The following BRF1 variants were observed in gnomAD, a reference collection of about 807,000 sequenced individuals.
BRF1 encodes the protein BRF1 general transcription factor IIIB subunit.
A neutral mutation model predicts 81.7 loss-of-function variants in BRF1; 59 were observed. The ratio of observed to expected loss-of-function variants is 0.72; its 90% CI spans 0.59 to 0.90. The LOEUF is 0.90. BRF1 is among the 40% of genes least tolerant of loss of function. The pLI, the probability that BRF1 is intolerant of heterozygous loss-of-function variation, is 0.00. For missense variants in BRF1, 1,050 were observed against 936.3 expected, an observed-to-expected ratio of 1.12 and a Z score of -1.58; for synonymous variants, 491 against 395.6, an observed-to-expected ratio of 1.24 and a Z score of -2.86.
chr14:105,210,871 G>A lies in BRF1; in HGVS notation c.1996+251C>T, dbSNP rs964681380. Reference sequence around the variant, plus strand: ...CAGGTCCGTGGTGGTGTGCAGATCCGGGAACCTCGTGCTGCTGGCTGGGCG... The same window carrying A: ...CAGGTCCGTGGTGGTGTGCAGATCCAGGAACCTCGTGCTGCTGGCTGGGCG... On this transcript the variant is annotated intron_variant, in intron 17 of 17. Transcript: ENST00000547530. This position sits in a 1 kb window ranked among gnomAD's most constrained non-coding sequence, Gnocchi z 4.7. Among the ~76,000 whole-genome samples, 4 of 152,034 alleles carry A rather than the reference G, an allele frequency of 2.6e-5. No individual in the cohort carries two copies. The highest frequency in any genetic ancestry group is 6.6e-5 in the Admixed American group (1 of 15,262).
chr14:105,255,076 G>GA (rs1431864764), intron 4 of BRF1, among the ~76,000 whole-genome samples: 1 of 152,204 alleles, frequency 6.6e-6, no homozygotes, highest in Non-Finnish European at 1.5e-5. Context: ...CCAGGCCAGT[G>GA]AACAACCTGG....
intron 2 of BRF1, among the ~76,000 whole-genome samples, chr14:105,273,459 G>A (rs1566856264): frequency 6.6e-6 from 1 of 152,226 alleles, no homozygotes; most frequent in Admixed American, 6.5e-5. Flanking sequence ...CCCAGAGGGA[G>A]GGCCATGGTG....
intron 4 of BRF1, chr14:105,256,124 CATAA>C (rs770813230): frequency 2.3e-4 from 303 of 1,318,186 alleles, no homozygotes; most frequent in South Asian, 9.9e-4. Context: ...GACTCCATCT[CATAA>C]ATAAATAAAT....
rs1266495687 is a variant in BRF1 at position 105,215,997 on chromosome 14, C to T, written c.1772+1547G>A. On this transcript the variant is annotated intron_variant, in intron 15 of 17. Coordinates refer to ENST00000547530, the MANE Select transcript of BRF1 (RefSeq NM_001519.4). The stretch of plus-strand genomic sequence containing the variant: ...CACACTGCATACACAGGCGCACACA[C>T]ACATGCACACACACGCTGCAGGCAT... Among the ~76,000 whole-genome samples, 3 of 150,010 alleles carry T rather than the reference C, an allele frequency of 2.0e-5. 1 individual carries two copies. Among genetic ancestry groups the T allele is most frequent in the Non-Finnish European group, 4.4e-5 (3 of 67,702 alleles).
chr14:105,292,773 G>A (rs587699680), intron 1 of BRF1, among the ~76,000 whole-genome samples: 2 of 151,374 alleles, frequency 1.3e-5, no homozygotes, highest in Non-Finnish European at 3.0e-5. Context: ...CTTCCCAGGC[G>A]CAGACCCTTC....
Position 105,272,725 on chromosome 14 carries a change from C to A in BRF1, c.435G>T (p.Thr145=). The A allele has an allele frequency of 6.2e-7, 1 of 1,605,718 alleles. No individual in the cohort carries two copies. ...GGCTCTCAAACCAAAGGATACGCGG[C>A]GTGCCCTCCGTACGGCAGACCAGGT... ...CLYLVCRTEG[T]PHMLLDLSDL... is the part of the protein sequence containing the mutation. Residue 145 remains threonine (T), a synonymous_variant, in exon 3 of 18, where the codon ACG becomes ACT. Coordinates refer to ENST00000547530, the MANE Select transcript of BRF1 (RefSeq NM_001519.4).
chr14:105,212,374 G>A (rs886979398), intron 15 of BRF1: 17 of 598,778 alleles, frequency 2.8e-5, no homozygotes, highest in African/African-American at 1.7e-4. Context: ...TCTCAACAGC[G>A]AGCAGCACTC....
intron 1 of BRF1, among the ~76,000 whole-genome samples, chr14:105,286,779 A>C (rs2057331430): frequency 6.6e-6 from 1 of 152,180 alleles, no homozygotes; most frequent in Non-Finnish European, 1.5e-5. Flanking sequence ...CTGGGATTAC[A>C]GGCACTTTCT....
At chr14:105,251,010 T>C (rs1041680450) in intron 5 of BRF1, 3 of 284,104 alleles carry the variant, frequency 1.1e-5, no homozygotes, top group Non-Finnish European at 2.1e-5. Context: ...CAAGCTTAAC[T>C]TGAGACCTTC....
chr14:105,289,134 C>A (rs1402356990), intron 1 of BRF1, among the ~76,000 whole-genome samples: 3 of 151,774 alleles, frequency 2.0e-5, no homozygotes, highest in African/African-American at 7.3e-5. Flanking sequence ...ACTGCTTGAG[C>A]CCAGGAGTTC....
rs1301007844 is a variant in BRF1, at chr14:105,209,497, C to T, written c.*1054G>A. ...GGGTCAGTGAGGCACGGCTCTGCCTCAAGGCCACCCCCTCCTAAGGACACA... is the reference window on the plus strand; with the variant it reads ...GGGTCAGTGAGGCACGGCTCTGCCTTAAGGCCACCCCCTCCTAAGGACACA... On this transcript the variant is annotated 3_prime_UTR_variant, in exon 18 of 18. Transcript: ENST00000547530. 4.3e-6 allele frequency: 3 copies of T among 701,810 alleles called. No individual in the cohort carries two copies. Among genetic ancestry groups the T allele is most frequent in the Admixed American group, 4.0e-5 (2 of 49,984 alleles). The allele number at this position is 701,810 out of a possible 1,614,324, so 43.5% of individuals were successfully genotyped here. A position where few individuals can be genotyped will look rare whatever the true frequency, so the allele number is the denominator to read the frequency against.
chr14:105,303,317 C>T (rs2058090738), upstream of BRF1, among the ~76,000 whole-genome samples: 3 of 152,200 alleles, frequency 2.0e-5, no homozygotes, highest in Admixed American at 2.0e-4. Context: ...GATCTTGGCT[C>T]ACTGTAACCT....
intron 14 of BRF1, 97 bp downstream of exon 14, chr14:105,218,901 C>T (rs776807806): frequency 9.6e-6 from 15 of 1,560,026 alleles, no homozygotes; most frequent in Admixed American, 3.4e-5. Context: ...GGGGCCTAGA[C>T]CCTCCTGTCA....
Position 105,271,927 on chromosome 14 carries a change from CTG to C in BRF1, c.439+792_439+793del, listed in dbSNP as rs2056675091. On this transcript the variant is annotated intron_variant, in intron 3 of 17. Transcript: ENST00000547530. This position sits in a 1 kb window ranked among gnomAD's most constrained non-coding sequence, Gnocchi z 5.5. ...GGTCGGCGGCCTCCCCGCCCACCGC[CTG>C]CAGTCACGGTGTCCACGCACAAGGC... 1.0e-3 allele frequency among the ~76,000 whole-genome samples: 17 copies of C among 16,248 alleles called. No homozygotes were observed. The highest frequency in any genetic ancestry group is 1.4e-3 in the Non-Finnish European group (9 of 6,624). 10.7% of individuals were successfully genotyped at this position (16,248 alleles called of 152,430 possible).
At chr14:105,219,299 C>T (rs1225360922) in intron 12 of BRF1, 67 bp from the exon 13 acceptor site, 2 of 1,594,084 alleles carry the variant, frequency 1.3e-6, no homozygotes, top group Non-Finnish European at 1.7e-6. Context: ...TAAGGTCGCG[C>T]TGGCCAGCGG....
At chr14:105,229,457 G>A (rs748845887) in intron 6 of BRF1, among the ~76,000 whole-genome samples, 10 of 152,220 alleles carry the variant, frequency 6.6e-5, no homozygotes, top group East Asian at 3.8e-4. Flanking sequence ...CTGTGGGCAC[G>A]AGGGTAAGGG....
chr14:105,265,674 G>C (rs2056378925), intron 3 of BRF1, among the ~76,000 whole-genome samples: 1 of 151,892 alleles, frequency 6.6e-6, no homozygotes, highest in Admixed American at 6.6e-5. Flanking sequence ...GAGGCGGATG[G>C]ATCACGAGGT....
intron 3 of BRF1, among the ~76,000 whole-genome samples, chr14:105,257,786 C>T (rs1314605349): frequency 7.9e-5 from 12 of 152,148 alleles, no homozygotes; most frequent in Admixed American, 7.9e-4. Flanking sequence ...GAAAAGTGAA[C>T]GAGGCCAGAA....
intron 10 of BRF1, among the ~76,000 whole-genome samples, chr14:105,225,556 C>A (rs1892950460): frequency 6.6e-6 from 1 of 152,160 alleles, no homozygotes; most frequent in African/African-American, 2.4e-5. Context: ...AGGTAGCAGG[C>A]CCTGAAAGAA....
Sources: gnomAD v4.1 joint callset for allele counts (sites outside exome capture counted in the v4.1 genomes callset) on GRCh38, gnomAD v4.1.1 for gene constraint, Gnocchi (gnomAD v3.1) non-coding constraint, MANE v1.5 for transcripts, NCBI Gene and HGNC (gene_info 2026-07-23, HGNC 2026-07-21) for gene names.